The following TAB2 variants were observed in gnomAD, a reference collection of about 807,000 sequenced individuals.
The protein encoded by TAB2 is TGF-beta-activated kinase 1 and MAP3K7-binding protein 2.
A neutral mutation model predicts 65.0 loss-of-function variants in TAB2; 3 were observed. The ratio of observed to expected loss-of-function variants is 0.05; its 90% CI spans 0.02 to 0.12. The LOEUF (loss-of-function observed/expected upper bound fraction) is 0.12. Ranked by LOEUF, TAB2 falls within the 10% of genes least tolerant of loss-of-function variation. TAB2 has a pLI of 1.00. For missense variants in TAB2, 623 were observed against 840.3 expected (o/e 0.74, Z 3.20); for synonymous variants, 298 against 285.1 (o/e 1.05, Z -0.46).
chr6:149,382,322 G>T (rs1241311560), intron 3 of TAB2, among the ~76,000 whole-genome samples: 1 of 152,246 alleles, frequency 6.6e-6, no homozygotes, highest in African/African-American at 2.4e-5. Flanking sequence ...TAGAGGCTGG[G>T]CACGGTGGCT....
chr6:149,352,451 G>A (rs1228845268), intron 1 of TAB2, among the ~76,000 whole-genome samples: 2 of 152,034 alleles, frequency 1.3e-5, no homozygotes, highest in Non-Finnish European at 2.9e-5. Flanking sequence ...AACCATTCCT[G>A]TTACAGGCTT....
At chr6:149,377,901 C>T in intron 2 of TAB2, 117 bp from the exon 3 acceptor site, 1 of 792,394 alleles carries the variant, frequency 1.3e-6, no homozygotes, top group Non-Finnish European at 2.0e-6. Context: ...TTTAAATATC[C>T]AAATATATGT....
chr6:149,309,166 C>T (rs1156657443), intron 1 of TAB2, among the ~76,000 whole-genome samples: 4 of 152,032 alleles, frequency 2.6e-5, no homozygotes, highest in South Asian at 2.1e-4. Flanking sequence ...TATATTCCTT[C>T]GTGATAGATG....
In TAB2 at chr6:149,410,012, C is replaced by T; in HGVS notation, c.*293C>T. 2.3e-6 allele frequency: 1 copy of T among 441,870 alleles called. No homozygotes were observed. Among genetic ancestry groups the T allele is most frequent in the Admixed American group, 3.8e-5 (1 of 26,430 alleles). 27.4% of individuals were successfully genotyped at this position (441,870 alleles called of 1,614,324 possible). A position where few individuals can be genotyped will look rare whatever the true frequency, so the allele number is the denominator to read the frequency against. On this transcript the variant is annotated 3_prime_UTR_variant, in exon 7 of 7. Coordinates refer to ENST00000637181, the MANE Select transcript of TAB2 (RefSeq NM_001292034.3). Reference sequence around the variant, plus strand: ...TTATGGATAATTCTCAATATGTTAACACCTAGGTGTTCCCAATACCTTTTT... The same window carrying T: ...TTATGGATAATTCTCAATATGTTAATACCTAGGTGTTCCCAATACCTTTTT...
At chr6:149,398,110 C>A in intron 5 of TAB2, 48 bp downstream of exon 5, 1 of 1,521,958 alleles carries the variant, frequency 6.6e-7, no homozygotes, top group Non-Finnish European at 9.1e-7. Context: ...TTTAATTCAC[C>A]AGCAGTTTTT....
chr6:149,283,430 C>G (rs1346755417), intron 1 of TAB2, among the ~76,000 whole-genome samples: 1 of 152,100 alleles, frequency 6.6e-6, no homozygotes, highest in Non-Finnish European at 1.5e-5. Context: ...ACAAGAAGGG[C>G]CAGGCATGGT....
At chr6:149,403,295 C>CAT (rs1190885445) in intron 6 of TAB2, among the ~76,000 whole-genome samples, 3,983 of 74,982 alleles carry the variant, frequency 0.053, 182 homozygotes, top group African/African-American at 0.1. Flanking sequence ...CACACACACA[C>CAT]ATATATATAT....
intron 1 of TAB2, among the ~76,000 whole-genome samples, chr6:149,349,841 A>C (rs942472332): frequency 1.3e-5 from 2 of 152,198 alleles, no homozygotes; most frequent in Non-Finnish European, 2.9e-5. Context: ...ACAAATATTT[A>C]CTGAGCATCC....
At chr6:149,277,641 A>T (rs1583061172) in intron 1 of TAB2, among the ~76,000 whole-genome samples, 2 of 152,182 alleles carry the variant, frequency 1.3e-5, no homozygotes, top group Non-Finnish European at 1.5e-5. Context: ...TATTAGAACT[A>T]CATAAATAGG....
At chr6:149,311,942 A>T (rs1172164404) in intron 1 of TAB2, among the ~76,000 whole-genome samples, 1 of 152,248 alleles carries the variant, frequency 6.6e-6, no homozygotes, top group African/African-American at 2.4e-5. Flanking sequence ...GTTATGACAG[A>T]TTGTAAATAA....
intron 1 of TAB2, among the ~76,000 whole-genome samples, chr6:149,263,200 A>G (rs1778190645): frequency 6.6e-6 from 1 of 152,248 alleles, no homozygotes; most frequent in African/African-American, 2.4e-5. Flanking sequence ...ATTTAGGCAA[A>G]GCAAAAATGC....
upstream of TAB2, among the ~76,000 whole-genome samples, chr6:149,313,229 T>A (rs1370899645): frequency 1.3e-5 from 2 of 152,068 alleles, no homozygotes; most frequent in African/African-American, 4.8e-5. Context: ...AGTGGTGCAA[T>A]CATGGCTCAC....
intron 3 of TAB2, among the ~76,000 whole-genome samples, chr6:149,393,125 A>G (rs1300549819): frequency 6.6e-6 from 1 of 152,234 alleles, no homozygotes; most frequent in East Asian, 1.9e-4. Context: ...AAAATTGCTA[A>G]GAAATAGAGA....
intron 1 of TAB2, among the ~76,000 whole-genome samples, chr6:149,367,285 G>C (rs1781071044): frequency 6.6e-6 from 1 of 152,148 alleles, no homozygotes; most frequent in Non-Finnish European, 1.5e-5. Flanking sequence ...CAGGGAAACT[G>C]TCTCTGAAGA....
At chr6:149,289,138 T>G (rs540201356) in intron 1 of TAB2, among the ~76,000 whole-genome samples, 71 of 152,162 alleles carry the variant, frequency 4.7e-4, no homozygotes, top group African/African-American at 1.7e-3. Flanking sequence ...AGATTACAGG[T>G]GTGAGCCACC....
intron 1 of TAB2, among the ~76,000 whole-genome samples, chr6:149,231,325 T>C (rs868597163): frequency 3.3e-5 from 5 of 152,350 alleles, no homozygotes; most frequent in Middle Eastern, 6.8e-3. Flanking sequence ...GAGACTTTAT[T>C]TTCTGTTCCA....
At chr6:149,375,529 G>C (rs1781371010) in intron 2 of TAB2, among the ~76,000 whole-genome samples, 1 of 152,094 alleles carries the variant, frequency 6.6e-6, no homozygotes, top group African/African-American at 2.4e-5. Context: ...TAAAGAGGAA[G>C]GCTAAATATG....
chr6:149,317,254 G>A (rs1053177644), upstream of TAB2, among the ~76,000 whole-genome samples: 29 of 152,210 alleles, frequency 1.9e-4, no homozygotes, highest in African/African-American at 6.7e-4. This position sits in a 1 kb window ranked among gnomAD's most constrained non-coding sequence, Gnocchi z 4.7. Flanking sequence ...GGCGGAGAAA[G>A]GGGGTCCCAG....
chr6:149,385,410 C>T (rs754085726), intron 3 of TAB2, among the ~76,000 whole-genome samples: 1 of 152,288 alleles, frequency 6.6e-6, no homozygotes, highest in East Asian at 1.9e-4. Flanking sequence ...GCCTGTAGTT[C>T]GAGCTACTCG....
Sources: gnomAD v4.1 joint callset for allele counts (sites outside exome capture counted in the v4.1 genomes callset) on GRCh38, gnomAD v4.1.1 for gene constraint, Gnocchi (gnomAD v3.1) non-coding constraint, MANE v1.5 for transcripts, NCBI Gene and HGNC (gene_info 2026-07-23, HGNC 2026-07-21) for gene names.